Variants in FBXL18 observed in about 807,000 individuals in gnomAD.
The protein encoded by FBXL18 is F-box/LRR-repeat protein 18.
FBXL18 carries 36 observed loss-of-function variants against 46.0 expected under a neutral mutation model. The ratio of observed to expected loss-of-function variants is 0.78; its 90% CI spans 0.60 to 1.03. The LOEUF (loss-of-function observed/expected upper bound fraction) is 1.03. Ranked by LOEUF, FBXL18 falls within the 50% of genes least tolerant of loss-of-function variation. The pLI is 0.00. For missense variants in FBXL18, 977 were observed against 1,004.1 expected (o/e 0.97, Z 0.36); for synonymous variants, 557 against 465.3 (o/e 1.20, Z -2.54).
At chr7:5,475,371 C>T (rs1584193138), downstream of FBXL18, among the ~76,000 whole-genome samples, 2 of 152,278 alleles carry the variant, frequency 1.3e-5, no homozygotes, top group East Asian at 3.9e-4. This position sits in a 1 kb window ranked among gnomAD's most constrained non-coding sequence, Gnocchi z 4.2. Context: ...GTTTCCACAG[C>T]CCTGAGGGAA....
chr7:5,513,680 C>T lies in FBXL18; in HGVS notation c.-6G>A, dbSNP rs1784600183. On this transcript the variant is annotated 5_prime_UTR_variant, in exon 1 of 5. Coordinates refer to ENST00000382368, the MANE Select transcript of FBXL18 (RefSeq NM_024963.6). ...ACCTCTCCGGAGCTGGCCATGTCGC[C>T]GGCGGGTCCGAACCGCGGCCGCGGG... is the stretch of plus-strand genomic sequence containing the variant. 1 of 1,605,004 alleles carries T rather than the reference C, an allele frequency of 6.2e-7. No individual in the cohort carries two copies. The highest frequency in any genetic ancestry group is 1.1e-5 in the South Asian group (1 of 89,948).
At chr7:5,495,904 G>A in intron 3 of FBXL18, 1 of 476,090 alleles carries the variant, frequency 2.1e-6, no homozygotes, top group South Asian at 1.5e-5. Context: ...AGGGGCTGCT[G>A]GGCACAGGCT....
Position 5,480,062 on chromosome 7 carries a change from G to C in FBXL18, c.*1713C>G, listed in dbSNP as rs1420810820. 6.6e-6 allele frequency among the ~76,000 whole-genome samples: 1 copy of C among 152,196 alleles called. No individual in the cohort carries two copies. The highest frequency in any genetic ancestry group is 1.5e-5 in the Non-Finnish European group (1 of 68,032). ...CAAAGGCCTCCTGGACAAGGAGCTT[G>C]GCCCCCAGAGCAAGGAGCTGCTGAA... On this transcript the variant is annotated 3_prime_UTR_variant, in exon 5 of 5. Transcript: ENST00000382368.
In FBXL18 at chr7:5,481,750, G is replaced by C; in HGVS notation, c.*25C>G. ...TCCTGCAGCTTCTCGAGGTGACTGA[G>C]ACCGATGGGCGGCGGCTCCGCCTCT... is the stretch of plus-strand genomic sequence containing the variant. On this transcript the variant is annotated 3_prime_UTR_variant, in exon 5 of 5. Transcript: ENST00000382368. 6.2e-7 allele frequency: 1 copy of C among 1,612,374 alleles called. No individual in the cohort carries two copies. The highest frequency in any genetic ancestry group is 8.5e-7 in the Non-Finnish European group (1 of 1,179,656).
chr7:5,488,423 A>C (rs1783830595), intron 4 of FBXL18, among the ~76,000 whole-genome samples: 1 of 152,204 alleles, frequency 6.6e-6, no homozygotes, highest in South Asian at 2.1e-4. Flanking sequence ...CGTCATGAGC[A>C]CAGCCGTCCT....
intron 4 of FBXL18, among the ~76,000 whole-genome samples, chr7:5,456,099 G>A (rs936385129): frequency 6.6e-6 from 1 of 151,988 alleles, no homozygotes; most frequent in African/African-American, 2.4e-5. Context: ...ACCGAAACTG[G>A]CAACTCCTGC....
intron 4 of FBXL18, among the ~76,000 whole-genome samples, chr7:5,468,235 G>T (rs544805255): frequency 6.6e-6 from 1 of 151,984 alleles, no homozygotes; most frequent in Non-Finnish European, 1.5e-5. Flanking sequence ...CGCCCGCCTC[G>T]GCCTCCCAAA....
intron 4 of FBXL18, among the ~76,000 whole-genome samples, chr7:5,482,227 G>C (rs546243133): frequency 6.6e-6 from 1 of 152,212 alleles, no homozygotes; most frequent in African/African-American, 2.4e-5. Flanking sequence ...GGCCAACCCT[G>C]CTCTGCAGAC....
intron 4 of FBXL18, among the ~76,000 whole-genome samples, chr7:5,483,740 G>A (rs963443877): frequency 1.4e-5 from 2 of 139,302 alleles, no homozygotes; most frequent in African/African-American, 5.2e-5. Flanking sequence ...GCAAAACTCC[G>A]TCTCAAAAAA....
intron 4 of FBXL18, among the ~76,000 whole-genome samples, chr7:5,466,738 C>G (rs1783346221): frequency 6.6e-6 from 1 of 152,160 alleles, no homozygotes; most frequent in African/African-American, 2.4e-5. Flanking sequence ...CGCCGTGCCA[C>G]GACCCAGCCA....
intron 2 of FBXL18, among the ~76,000 whole-genome samples, 199 bp downstream of exon 2, chr7:5,505,213 C>T (rs1269791380): frequency 6.6e-6 from 1 of 152,096 alleles, no homozygotes; most frequent in Non-Finnish European, 1.5e-5. Flanking sequence ...TCTGCACCCT[C>T]CTCCCCAGGC....
intron 4 of FBXL18, among the ~76,000 whole-genome samples, chr7:5,469,673 G>A (rs1266684241): frequency 6.6e-6 from 1 of 152,044 alleles, no homozygotes; most frequent in East Asian, 1.9e-4. Context: ...GTGGATGTGA[G>A]CGTGGGAGCG....
chr7:5,492,437 C>T (rs1584219781), intron 3 of FBXL18, among the ~76,000 whole-genome samples: 2 of 151,284 alleles, frequency 1.3e-5, no homozygotes, highest in African/African-American at 2.4e-5. Context: ...GGGGAACTCA[C>T]GTGACTTCAG....
At chr7:5,485,539 C>A (rs758297217) in intron 4 of FBXL18, among the ~76,000 whole-genome samples, 1 of 152,136 alleles carries the variant, frequency 6.6e-6, no homozygotes, top group South Asian at 2.1e-4. Context: ...GGAGGCCAGG[C>A]GCAGTGGCTC....
intron 3 of FBXL18, among the ~76,000 whole-genome samples, chr7:5,492,978 T>C (rs2128235947): frequency 6.6e-6 from 1 of 152,242 alleles, no homozygotes; most frequent in Non-Finnish European, 1.5e-5. Context: ...GCACAGATGC[T>C]GAGGGCAGCC....
intron 1 of FBXL18, among the ~76,000 whole-genome samples, chr7:5,508,773 A>G (rs746490990): frequency 6.6e-6 from 1 of 152,200 alleles, no homozygotes; most frequent in Non-Finnish European, 1.5e-5. Context: ...AACCAGGGAC[A>G]GTCCTTATCA....
intron 4 of FBXL18, among the ~76,000 whole-genome samples, chr7:5,466,333 G>A (rs1783340494): frequency 6.6e-6 from 1 of 152,174 alleles, no homozygotes; most frequent in Non-Finnish European, 1.5e-5. Context: ...CTGGGCTCAG[G>A]TCAAGTGCAG....
At position 5,463,728 on chromosome 7, in the gene FBXL18, A is replaced by ATTTATTTATTTTTTTTTTTTT. The variant is rs1562672288; in HGVS notation, c.2001-15886_2001-15885insAAAAAAAAAAAAATAAATAAA. 1.1e-4 allele frequency among the ~76,000 whole-genome samples: 6 copies of ATTTATTTATTTTTTTTTTTTT among 53,034 alleles called. 1 individual carries two copies. The highest frequency in any genetic ancestry group is 2.4e-4 in the African/African-American group (3 of 12,550). 34.8% of individuals were successfully genotyped at this position (53,034 alleles called of 152,430 possible). On this transcript the variant is annotated intron_variant and NMD_transcript_variant, in intron 4 of 6. Coordinates refer to the FBXL18 transcript ENST00000415009. ...TATTTATTTATTTATTTATTTATTT[A>ATTTATTTATTTTTTTTTTTTT]TTTTTTTTTTTTTTTTTTTTTTTTT...
chr7:5,469,869 T>A (rs1431295745), intron 4 of FBXL18, among the ~76,000 whole-genome samples: 1 of 150,526 alleles, frequency 6.6e-6, no homozygotes, highest in Admixed American at 6.6e-5. Context: ...TGAGCCTGAG[T>A]GTGAGTGTGC....
Sources: gnomAD v4.1 joint callset for allele counts (sites outside exome capture counted in the v4.1 genomes callset) on GRCh38, gnomAD v4.1.1 for gene constraint, Gnocchi (gnomAD v3.1) non-coding constraint, MANE v1.5 for transcripts, NCBI Gene and HGNC (gene_info 2026-07-23, HGNC 2026-07-21) for gene names.